The following ROBO2 variants were observed in gnomAD, a reference collection of about 807,000 sequenced individuals.
ROBO2 encodes roundabout homolog 2.
ROBO2 carries 53 observed loss-of-function variants against 160.8 expected under a neutral mutation model. The ratio of observed to expected loss-of-function variants is 0.33; its 90% confidence interval spans 0.26 to 0.41. The LOEUF is 0.41. Ranked by LOEUF, ROBO2 falls within the 10% of genes least tolerant of loss-of-function variation. The pLI is 1.00. For missense variants in ROBO2, 1,577 were observed against 1,722.4 expected (o/e 0.92, Z 1.49); for synonymous variants, 664 against 611.7 (o/e 1.09, Z -1.26).
chr3:77,617,703 C>A, exon 22 of ROBO2: 2 of 1,614,082 alleles, frequency 1.2e-6, no homozygotes, highest in Non-Finnish European at 1.7e-6. Flanking sequence ...GGAAGAGATG[C>A]AACCCATGCT....
chr3:77,203,177 G>A (rs114660761), intron 2 of ROBO2, among the ~76,000 whole-genome samples: 1 of 152,148 alleles, frequency 6.6e-6, no homozygotes, highest in African/African-American at 2.4e-5. Context: ...AAGAATAAAA[G>A]CACTGCACAT....
chr3:76,783,492 A>G (rs538225822), intron 2 of ROBO2, among the ~76,000 whole-genome samples: 7 of 146,636 alleles, frequency 4.8e-5, no homozygotes, highest in Non-Finnish European at 1.1e-4. Flanking sequence ...CAAGTATAGT[A>G]TTTTTGTTTG....
At chr3:77,562,651 A>T (rs777870917) in exon 10 of ROBO2, 1 of 1,610,554 alleles carries the variant, frequency 6.2e-7, no homozygotes, top group Non-Finnish European at 8.5e-7. Context: ...TGCACACTAG[A>T]TTTCTGATAC....
chr3:77,228,378 G>A (rs2086741649), intron 2 of ROBO2, among the ~76,000 whole-genome samples: 1 of 151,532 alleles, frequency 6.6e-6, no homozygotes, highest in Non-Finnish European at 1.5e-5. Flanking sequence ...GCATTAAATA[G>A]CTCAGAAAAC....
chr3:76,811,414 G>A (rs1337750861), intron 2 of ROBO2, among the ~76,000 whole-genome samples: 1 of 152,164 alleles, frequency 6.6e-6, no homozygotes, highest in African/African-American at 2.4e-5. Flanking sequence ...AGAATGTTGA[G>A]ATAAAATCAA....
At chr3:75,976,556 T>C (rs1360049223) in intron 2 of ROBO2, among the ~76,000 whole-genome samples, 6 of 151,574 alleles carry the variant, frequency 4.0e-5, no homozygotes, top group Admixed American at 3.3e-4. Context: ...ATATTTCTTA[T>C]CTGATTTGAC....
chr3:77,273,777 C>G (rs2059651345), intron 2 of ROBO2, among the ~76,000 whole-genome samples: 3 of 152,014 alleles, frequency 2.0e-5, no homozygotes. Context: ...TTTGCAGGGG[C>G]CAGGGTTGGG....
chr3:77,343,057 GGA>G (rs766199289), intron 2 of ROBO2, among the ~76,000 whole-genome samples: 2,440 of 63,546 alleles, frequency 0.038, 48 homozygotes, highest in African/African-American at 0.094. Context: ...ATAGGTAGAT[GGA>G]GAGAGAGAGA....
intron 2 of ROBO2, among the ~76,000 whole-genome samples, chr3:76,035,298 T>C (rs1407569586): frequency 6.6e-6 from 1 of 151,986 alleles, no homozygotes; most frequent in Non-Finnish European, 1.5e-5. Flanking sequence ...AAAATCCCTT[T>C]TGATACTGAG....
chr3:76,665,510 C>CT, intron 2 of ROBO2, among the ~76,000 whole-genome samples: 1 of 151,952 alleles, frequency 6.6e-6, no homozygotes, highest in South Asian at 2.1e-4. Flanking sequence ...CAAGCACCTC[C>CT]TACATCCATC....
At chr3:77,144,704 A>C (rs918391105) in intron 2 of ROBO2, among the ~76,000 whole-genome samples, 4 of 152,208 alleles carry the variant, frequency 2.6e-5, no homozygotes, top group African/African-American at 7.2e-5. Flanking sequence ...GTTTTAATGT[A>C]AAGTTAGTCA....
At chr3:76,835,191 C>A (rs1213885040) in intron 2 of ROBO2, among the ~76,000 whole-genome samples, 1 of 151,440 alleles carries the variant, frequency 6.6e-6, no homozygotes, top group East Asian at 1.9e-4. Flanking sequence ...TGACTTAGAA[C>A]AATAAAAATT....
chr3:76,217,397 C>A (rs558265634), intron 2 of ROBO2, among the ~76,000 whole-genome samples: 1 of 152,068 alleles, frequency 6.6e-6, no homozygotes, highest in South Asian at 2.1e-4. Flanking sequence ...AAAAGCTCAA[C>A]AAAATTGATA....
At chr3:77,279,693 GAC>G (rs1011380659) in intron 2 of ROBO2, among the ~76,000 whole-genome samples, 5 of 151,820 alleles carry the variant, frequency 3.3e-5, no homozygotes, top group Admixed American at 1.3e-4. Flanking sequence ...AATTATTAAA[GAC>G]ACAATATTAA....
At chr3:77,483,908 C>A (rs2085009050) in intron 4 of ROBO2, among the ~76,000 whole-genome samples, 1 of 151,348 alleles carries the variant, frequency 6.6e-6, no homozygotes, top group Non-Finnish European at 1.5e-5. Context: ...AGACATATTG[C>A]TAGGAAAAAG....
rs61312087 is a variant in ROBO2, at chr3:75,984,023, A to C, written c.109+46421A>C. Among the ~76,000 whole-genome samples the C allele has an allele frequency of 1.4e-3, 208 of 151,494 alleles. 1 individual carries two copies. Among genetic ancestry groups the C allele is most frequent in the South Asian group, 2.9e-3 (14 of 4,822 alleles). The stretch of plus-strand genomic sequence containing the variant: ...CAATCTTTAAACCTTTCTAGTAGGG[A>C]GATACCTAAATATTTCCATCTGGAA... On this transcript the variant is annotated intron_variant, in intron 2 of 26. Transcript: ENST00000487694.
At chr3:76,840,768 A>C (rs2068180759) in intron 2 of ROBO2, among the ~76,000 whole-genome samples, 1 of 151,608 alleles carries the variant, frequency 6.6e-6, no homozygotes. Context: ...AACAACAGAA[A>C]ATATTGTCAT....
At chr3:77,215,568 C>T (rs1342096240) in intron 2 of ROBO2, among the ~76,000 whole-genome samples, 1 of 152,138 alleles carries the variant, frequency 6.6e-6, no homozygotes, top group Admixed American at 6.5e-5. Context: ...TGAAGCCTTC[C>T]TCTCTCAACT....
intron 2 of ROBO2, among the ~76,000 whole-genome samples, chr3:76,591,038 C>G (rs1308221568): frequency 6.6e-6 from 1 of 152,086 alleles, no homozygotes; most frequent in East Asian, 1.9e-4. Flanking sequence ...CTACTCCCCA[C>G]TCCTGTATAG....
Sources: allele counts gnomAD v4.1 joint callset (sites outside exome capture counted in the v4.1 genomes callset), GRCh38; gene constraint gnomAD v4.1.1; transcripts MANE v1.5; gene names NCBI Gene and HGNC (gene_info 2026-07-23, HGNC 2026-07-21).